Variants in ACTR3C observed in about 807,000 individuals in gnomAD.
ACTR3C encodes actin related protein 3C, also known as actin-related protein 3C.
ACTR3C carries 18 observed loss-of-function variants against 26.3 expected under a neutral mutation model. The observed-to-expected ratio is 0.68, with a 90% CI of 0.47 to 1.01. The LOEUF is 1.01. Ranked by LOEUF, ACTR3C falls within the 50% of genes least tolerant of loss-of-function variation. ACTR3C has a pLI of 0.00. For missense variants in ACTR3C, 184 were observed against 250.7 expected (o/e 0.73, Z 1.80); for synonymous variants, 55 against 94.5 (o/e 0.58, Z 2.42).
the ACTR3C span, among the ~76,000 whole-genome samples, chr7:149,930,876 AT>A: frequency 2.6e-5 from 4 of 151,804 alleles, no homozygotes; most frequent in Non-Finnish European, 2.9e-5. Context: ...CTGCCTTTTT[AT>A]TTTTTTAAGA....
the ACTR3C span, among the ~76,000 whole-genome samples, chr7:150,049,679 TGGATGCC>T: frequency 6.6e-6 from 1 of 152,226 alleles, no homozygotes; most frequent in Non-Finnish European, 1.5e-5. Context: ...GGGAGAATAC[TGGATGCC>T]GGTGAACAAG....
chr7:150,142,362 A>G, the ACTR3C span, among the ~76,000 whole-genome samples: 5 of 152,290 alleles, frequency 3.3e-5, no homozygotes, highest in East Asian at 9.7e-4. Flanking sequence ...GGAGGGAATG[A>G]GGCAACGCTT....
chr7:149,926,112 A>G, the ACTR3C span, among the ~76,000 whole-genome samples: 1 of 152,074 alleles, frequency 6.6e-6, no homozygotes, highest in Non-Finnish European at 1.5e-5. Flanking sequence ...GTAATCTGGG[A>G]ATGAAAAAAA....
rs185175188 is a variant in ACTR3C at position 150,301,377 on chromosome 7, C to T, written c.-51-6030G>A. 2.0e-5 allele frequency among the ~76,000 whole-genome samples: 3 copies of T among 152,282 alleles called. No individual in the cohort carries two copies. In the East Asian group the frequency reaches 5.8e-4, roughly 29 times the overall value. ...AAAACAGACCTGTAGGAAGACATCACCAACAAGAATCAGATTAACCCTGGC... is the reference window on the plus strand; with the variant it reads ...AAAACAGACCTGTAGGAAGACATCATCAACAAGAATCAGATTAACCCTGGC... On this transcript the variant is annotated intron_variant, in intron 1 of 7. Coordinates refer to ENST00000683684, the MANE Select transcript of ACTR3C (RefSeq NM_001164458.2).
the ACTR3C span, chr7:149,892,268 A>G: frequency 6.6e-6 from 10 of 1,510,282 alleles, no homozygotes; most frequent in Non-Finnish European, 9.0e-6. Context: ...CCTGTCGGAA[A>G]TTTACCTTTG....
chr7:150,144,852 A>G, the ACTR3C span, among the ~76,000 whole-genome samples: 2 of 152,146 alleles, frequency 1.3e-5, no homozygotes, highest in African/African-American at 4.8e-5. This position sits in a 1 kb window ranked among gnomAD's most constrained non-coding sequence, Gnocchi z 4.6. Flanking sequence ...GTTCGAGACT[A>G]GTCTGGTTAA....
chr7:150,047,671 C>A, the ACTR3C span: 7 of 1,052,960 alleles, frequency 6.6e-6, no homozygotes, highest in South Asian at 2.6e-4. Flanking sequence ...TCCGCGCCGC[C>A]GCCGCCGCCG....
At chr7:149,932,461 A>C in the ACTR3C span, among the ~76,000 whole-genome samples, 1 of 152,174 alleles carries the variant, frequency 6.6e-6, no homozygotes, top group African/African-American at 2.4e-5. Flanking sequence ...ACCCTTTAAA[A>C]GGGTAGATTT....
At chr7:149,906,412 CTTTT>C in the ACTR3C span, among the ~76,000 whole-genome samples, 4 of 72,100 alleles carry the variant, frequency 5.5e-5, no homozygotes, top group African/African-American at 2.0e-4. Context: ...GGGTTTGTTT[CTTTT>C]TTTTTTTTTT....
intron 6 of ACTR3C, among the ~76,000 whole-genome samples, chr7:150,251,037 C>A (rs1012292953): frequency 6.6e-6 from 1 of 151,986 alleles, no homozygotes; most frequent in Non-Finnish European, 1.5e-5. Context: ...GAATGAGGGG[C>A]CTCTCTATTT....
the ACTR3C span, among the ~76,000 whole-genome samples, chr7:150,032,647 A>C: frequency 2.0e-5 from 3 of 151,876 alleles, no homozygotes; most frequent in Non-Finnish European, 4.4e-5. Context: ...TAAATCTGAG[A>C]GTTAGGGAGA....
downstream of ACTR3C, chr7:150,244,820 G>A (rs1832381374): frequency 1.3e-5 from 2 of 152,754 alleles, no homozygotes; most frequent in African/African-American, 4.8e-5. Context: ...GAAGGGAAGA[G>A]AACCTGCTGA....
chr7:149,926,162 G>T, the ACTR3C span, among the ~76,000 whole-genome samples: 1 of 152,150 alleles, frequency 6.6e-6, no homozygotes, highest in Non-Finnish European at 1.5e-5. Flanking sequence ...ATAAAGAAAA[G>T]ATGAATAAAT....
chr7:150,293,598 C>T (rs1318803230), intron 2 of ACTR3C, among the ~76,000 whole-genome samples, 179 bp from the exon 3 acceptor site: 1 of 152,052 alleles, frequency 6.6e-6, no homozygotes, highest in African/African-American at 2.4e-5. Flanking sequence ...GGACAACTAA[C>T]ACGAAAATGT....
chr7:149,959,118 G>A, the ACTR3C span, among the ~76,000 whole-genome samples: 1 of 152,182 alleles, frequency 6.6e-6, no homozygotes, highest in Non-Finnish European at 1.5e-5. Flanking sequence ...AGAAGTGGAG[G>A]TCATGGCAGC....
At chr7:150,045,349 A>C in the ACTR3C span, among the ~76,000 whole-genome samples, 1 of 152,256 alleles carries the variant, frequency 6.6e-6, no homozygotes, top group Admixed American at 6.5e-5. Flanking sequence ...AGAGTGCATA[A>C]AAGTTTGTTG....
chr7:149,960,072 T>G, the ACTR3C span, among the ~76,000 whole-genome samples: 3 of 151,788 alleles, frequency 2.0e-5, no homozygotes, highest in East Asian at 5.8e-4. Flanking sequence ...TGTAGATTAA[T>G]GTTTTCCAGA....
chr7:150,120,739 G>A, the ACTR3C span, among the ~76,000 whole-genome samples: 1 of 152,112 alleles, frequency 6.6e-6, no homozygotes, highest in Admixed American at 6.5e-5. Flanking sequence ...TCATTTTTGA[G>A]GCCAGCATCA....
the ACTR3C span, among the ~76,000 whole-genome samples, chr7:149,938,040 C>A: frequency 6.6e-6 from 1 of 152,154 alleles, no homozygotes; most frequent in Non-Finnish European, 1.5e-5. Context: ...CCTCCCGACC[C>A]GTGTTCTAGA....
Sources: gnomAD v4.1 joint callset for allele counts (sites outside exome capture counted in the v4.1 genomes callset) on GRCh38, gnomAD v4.1.1 for gene constraint, Gnocchi (gnomAD v3.1) non-coding constraint, MANE v1.5 for transcripts, NCBI Gene and HGNC (gene_info 2026-07-23, HGNC 2026-07-21) for gene names.